Variants in MIA3 observed in about 807,000 individuals in gnomAD.
The protein encoded by MIA3 is MIA SH3 domain ER export factor 3.
MIA3 carries 90 observed loss-of-function variants against 192.4 expected under a neutral mutation model. The ratio of observed to expected loss-of-function variants is 0.47; its 90% CI spans 0.39 to 0.56. MIA3 has a LOEUF of 0.56. MIA3 is among the 20% of genes least tolerant of loss of function. The probability of loss-of-function intolerance (pLI) is 0.00; values close to 1 mark genes in which losing one functional copy is unlikely to be tolerated. For synonymous variants in MIA3, 740 were observed against 792.8 expected (o/e 0.93, Z 1.12); for missense variants, 2,123 against 2,269.4 (o/e 0.94, Z 1.31).
At position 222,653,004 on chromosome 1, in the gene MIA3, G is replaced by A. The variant is rs1285839903; in HGVS notation, c.4087-4G>A. The A allele has an allele frequency of 1.9e-6, 3 of 1,608,934 alleles. No homozygotes were observed. In the Admixed American group the frequency reaches 5.0e-5, roughly 27 times the overall value. ...TGTGGGAATCATGTGTTTTAACTTT[G>A]CAGTTGCAGCAGGAAATCGAAGACT... On this transcript the variant is annotated splice_polypyrimidine_tract_variant and splice_region_variant and intron_variant, in intron 13 of 27. Coordinates refer to ENST00000344922, the MANE Select transcript of MIA3 (RefSeq NM_198551.4).
chr1:222,625,450 T>C (rs1164268829), intron 3 of MIA3, among the ~76,000 whole-genome samples: 3 of 152,374 alleles, frequency 2.0e-5, no homozygotes, highest in East Asian at 3.9e-4. Flanking sequence ...AAACTACTTA[T>C]TGGATAGCTG....
chr1:222,628,844 G>A lies in MIA3; in HGVS notation c.1624G>A (p.Glu542Lys), dbSNP rs750127963. Reference protein sequence around the residue: ...AIHISKGMLHEEKPGEQILEG... With the variant: ...AIHISKGMLHKEKPGEQILEG... ...TCATATCTCAAAAGGAATGCTCCAC[G>A]AAGAAAAGCCTGGAGAGCAGATTTT... The change falls in exon 4 of 28, where the codon GAA becomes AAA. Residue 542 changes from glutamate (E) to lysine (K), a missense_variant. By Grantham distance (56) the Glu-to-Lys change is moderately conservative. Transcript: ENST00000344922. The A allele has an allele frequency of 6.8e-6, 11 of 1,614,026 alleles. No homozygotes were observed. In the Admixed American group the frequency reaches 1.2e-4, roughly 17 times the overall value.
intron 6 of MIA3, among the ~76,000 whole-genome samples, chr1:222,643,718 C>G (rs536313153): frequency 6.6e-6 from 1 of 152,104 alleles, no homozygotes; most frequent in Admixed American, 6.5e-5. Flanking sequence ...ATGGCTTGAG[C>G]CCCGGAGTTC....
At chr1:222,625,085 C>T (rs1350898936) in intron 3 of MIA3, among the ~76,000 whole-genome samples, 1 of 151,920 alleles carries the variant, frequency 6.6e-6, no homozygotes, top group Non-Finnish European at 1.5e-5. Context: ...TCTCGGCTCA[C>T]TGCACGCTCT....
At chr1:222,646,706 C>G (rs1663166176) in intron 7 of MIA3, among the ~76,000 whole-genome samples, 1 of 152,142 alleles carries the variant, frequency 6.6e-6, no homozygotes, top group African/African-American at 2.4e-5. Flanking sequence ...TGCACTCCAG[C>G]CTAGGCGACA....
At chr1:222,626,708 A>G (rs867153029) in intron 3 of MIA3, among the ~76,000 whole-genome samples, 4 of 152,310 alleles carry the variant, frequency 2.6e-5, no homozygotes, top group Middle Eastern at 3.4e-3. Flanking sequence ...GGCAGTATGA[A>G]AATGGGGAGC....
rs1207129872 is a variant in MIA3, at chr1:222,662,330, A to G, written c.5260A>G (p.Lys1754Glu). 2 of 1,613,234 alleles carry G rather than the reference A, an allele frequency of 1.2e-6. No individual in the cohort carries two copies. Among genetic ancestry groups the G allele is most frequent in the Non-Finnish European group, 1.7e-6 (2 of 1,179,126 alleles). The change falls in exon 26 of 28, where the codon AAG becomes GAG. Residue 1754 changes from lysine (K) to glutamate (E), a missense_variant and splice_region_variant. Physicochemically the swap from Lys to Glu is moderately conservative, Grantham distance 56 (BLOSUM62 1). Around this residue, in one of 3 missense-constraint regions of MIA3, gnomAD observed 762 missense variants for 856.4 expected, o/e 0.89. Coordinates refer to ENST00000344922, the MANE Select transcript of MIA3 (RefSeq NM_198551.4). ...CCCTACCAGGGTACTCGATGAAGGCAAGGTAAATGCACCCATTTTGAATAA... is the reference window on the plus strand; with the variant it reads ...CCCTACCAGGGTACTCGATGAAGGCGAGGTAAATGCACCCATTTTGAATAA... ...SSPTRVLDEGKVNMAPKGPPP... is the reference protein window; with the variant it reads ...SSPTRVLDEGEVNMAPKGPPP...
Position 222,660,207 on chromosome 1 carries a change from C to T in MIA3, c.5006C>T (p.Pro1669Leu), listed in dbSNP as rs752174756. 3.1e-6 allele frequency: 5 copies of T among 1,613,946 alleles called. No individual in the cohort carries two copies. The highest frequency in any genetic ancestry group is 1.1e-5 in the South Asian group (1 of 91,052). The change falls in exon 24 of 28, where the codon CCA becomes CTA. Residue 1669 changes from proline (P) to leucine (L), a missense_variant. By Grantham distance (98) the Pro-to-Leu change is moderately conservative (BLOSUM62 -3). Around this residue, in one of 3 missense-constraint regions of MIA3, gnomAD observed 762 missense variants for 856.4 expected, o/e 0.89. Coordinates refer to ENST00000344922, the MANE Select transcript of MIA3 (RefSeq NM_198551.4). Reference sequence around the variant, plus strand: ...CTGAGCCAGAATGGCTCTTTTGGCCCATCCCCTGTGAGTGGTGGAGAATGC... The same window carrying T: ...CTGAGCCAGAATGGCTCTTTTGGCCTATCCCCTGTGAGTGGTGGAGAATGC... Reference protein sequence around the residue: ...GPLSQNGSFGPSPVSGGECSP... With the variant: ...GPLSQNGSFGLSPVSGGECSP...
chr1:222,621,178 G>A lies in MIA3; in HGVS notation c.153G>A (p.Glu51=). The A allele has an allele frequency of 6.2e-7, 1 of 1,612,872 alleles. No individual in the cohort carries two copies. Among genetic ancestry groups the A allele is most frequent in the Non-Finnish European group, 8.5e-7 (1 of 1,179,588 alleles). Residue 51 remains glutamate, a synonymous_variant, in exon 2 of 28, where the codon GAG becomes GAA. Transcript: ENST00000344922. ...ATACAGTGTTAATGTACCGCGGTGA[G>A]GCTCTTGAAGATTTCACAGGCCCGG... ...DECSMLMYRG[E]ALEDFTGPDC... is the part of the protein sequence containing the mutation.
At chr1:222,641,412 C>A in intron 6 of MIA3, 1 of 460,558 alleles carries the variant, frequency 2.2e-6, no homozygotes, top group South Asian at 1.7e-5. Flanking sequence ...GCAACAGATT[C>A]TTCAGGTCTT....
rs566500745 is a variant in MIA3 at position 222,630,540 on chromosome 1, C to T, written c.3169+151C>T. On this transcript the variant is annotated intron_variant, in intron 4 of 27. Coordinates refer to ENST00000344922, the MANE Select transcript of MIA3 (RefSeq NM_198551.4). ...AGGTCCACATGTTCCTTCCTGCCAT[C>T]TTTCTTTTAGGCTGGAGCATGGAGA... 33 of 717,662 alleles carry T rather than the reference C, an allele frequency of 4.6e-5. No homozygotes were observed. In the East Asian group the frequency reaches 9.2e-4, roughly 20 times the overall value. 44.5% of individuals were successfully genotyped at this position (717,662 alleles called of 1,614,324 possible).
intron 7 of MIA3, among the ~76,000 whole-genome samples, chr1:222,647,367 T>C (rs190349956): frequency 6.6e-6 from 1 of 152,314 alleles, no homozygotes; most frequent in Admixed American, 6.5e-5. Context: ...AAGCTTTGTA[T>C]TGAAACTTCA....
chr1:222,618,574 C>T lies in MIA3; in HGVS notation c.133+331C>T, dbSNP rs575177751. On this transcript the variant is annotated intron_variant, in intron 1 of 27. Coordinates refer to ENST00000344922, the MANE Select transcript of MIA3 (RefSeq NM_198551.4). Reference sequence around the variant, plus strand: ...GTCCCCGGCTTCCCCAATAGTGGCTCACAGCGTCCCCTTCCCACCCCCCCA... The same window carrying T: ...GTCCCCGGCTTCCCCAATAGTGGCTTACAGCGTCCCCTTCCCACCCCCCCA... Among the ~76,000 whole-genome samples the T allele has an allele frequency of 1.4e-3, 218 of 152,270 alleles. 1 individual carries two copies. Among genetic ancestry groups the T allele is most frequent in the Non-Finnish European group, 2.5e-3 (171 of 67,994 alleles).
intron 7 of MIA3, among the ~76,000 whole-genome samples, chr1:222,647,277 A>T (rs963138255): frequency 1.3e-5 from 2 of 152,210 alleles, no homozygotes; most frequent in Non-Finnish European, 2.9e-5. Flanking sequence ...CCTTATGATT[A>T]TACTATATAG....
At chr1:222,648,614 A>C (rs1663267309) in intron 7 of MIA3, among the ~76,000 whole-genome samples, 1 of 152,214 alleles carries the variant, frequency 6.6e-6, no homozygotes, top group South Asian at 2.1e-4. Context: ...TATTTACCTC[A>C]GTGCTTTATC....
chr1:222,655,097 A>G (rs1663648814), intron 18 of MIA3, among the ~76,000 whole-genome samples: 1 of 152,230 alleles, frequency 6.6e-6, no homozygotes, highest in South Asian at 2.1e-4. Context: ...TGGCTCCGCC[A>G]CTTGTTTCAC....
rs1168179882 is a variant in MIA3 at position 222,666,431 on chromosome 1, T to C, written c.*812T>C. The C allele has an allele frequency of 5.3e-5, 8 of 152,174 alleles. No homozygotes were observed. Among genetic ancestry groups the C allele is most frequent in the Non-Finnish European group, 8.8e-5 (6 of 68,034 alleles). The allele number at this position is 152,174 out of a possible 1,614,324, so 9.4% of individuals were successfully genotyped here. On this transcript the variant is annotated 3_prime_UTR_variant, in exon 28 of 28. Coordinates refer to ENST00000344922, the MANE Select transcript of MIA3 (RefSeq NM_198551.4). ...AAGAGTTGTTTGACCTGATGTTCCA[T>C]TGTTTTTACCATTCCTGTAGAAAAA...
In MIA3 at chr1:222,652,234, A is replaced by G. The variant is rs1447169145; in HGVS notation, c.3988A>G (p.Ile1330Val). The change falls in exon 13 of 28, where the codon ATT becomes GTT. Residue 1330 changes from isoleucine (I) to valine (V), a missense_variant. Ile to Val is a conservative substitution (Grantham distance 29). Transcript: ENST00000344922. ...MNASEFSEVQ[I>V]ALNEAKLSEE... ...TAGGAGTGTTTTGCATTAGGTTCAG[A>G]TTGCACTTAATGAAGCTAAGCTTAG... 1 of 1,611,316 alleles carries G rather than the reference A, an allele frequency of 6.2e-7. No individual in the cohort carries two copies.
At chr1:222,624,934 A>G in intron 3 of MIA3, 80 bp downstream of exon 3, 1 of 675,160 alleles carries the variant, frequency 1.5e-6, no homozygotes, top group Non-Finnish European at 2.6e-6. Flanking sequence ...AAAATTTCAA[A>G]AGAATTTAAA....
Sources: allele counts gnomAD v4.1 joint callset (sites outside exome capture counted in the v4.1 genomes callset), GRCh38; gene constraint gnomAD v4.1.1; regional missense constraint gnomAD v4.1.1; transcripts MANE v1.5; gene names NCBI Gene and HGNC (gene_info 2026-07-23, HGNC 2026-07-21).